Variants in RAB38 observed in about 807,000 individuals in gnomAD.
RAB38 encodes RAB38, member RAS oncogene family.
Under a neutral mutation model 18.4 loss-of-function variants are expected in RAB38, and 15 were observed. The observed-to-expected ratio is 0.82, with a 90% CI of 0.55 to 1.26. The LOEUF (loss-of-function observed/expected upper bound fraction) is 1.26. Among genes scored for constraint, RAB38 ranks in the 50% most tolerant of loss-of-function variants. The probability of loss-of-function intolerance (pLI) is 0.00; values close to 1 mark genes in which losing one functional copy is unlikely to be tolerated. For synonymous variants in RAB38, 101 were observed against 104.4 expected (o/e 0.97, Z 0.20); for missense variants, 294 against 267.4 (o/e 1.10, Z -0.69).
At position 88,175,262 on chromosome 11, in the gene RAB38, T is replaced by TCTGGTACAAA; in HGVS notation, c.122_123insTTTGTACCAG (p.Ile42LeufsTer61). On this transcript the variant is annotated frameshift_variant, in exon 1 of 3. Transcript: ENST00000243662. LOFTEE classifies it high-confidence loss of function. ...CCTTGAGCGCGAAGTCCACGCCGAT[T>TCTGGTACAAA]GTGGCCCGGTAGTGCGAAGAGAAGT... 6.2e-7 allele frequency: 1 copy of TCTGGTACAAA among 1,614,152 alleles called. No individual in the cohort carries two copies. The highest frequency in any genetic ancestry group is 8.5e-7 in the Non-Finnish European group (1 of 1,180,030).
At chr11:87,937,879 T>TTG in the RAB38 span, among the ~76,000 whole-genome samples, 1 of 147,076 alleles carries the variant, frequency 6.8e-6, no homozygotes, top group Non-Finnish European at 1.5e-5. Context: ...TGTTTTTTTT[T>TTG]TTTTTTTTTT....
the RAB38 span, among the ~76,000 whole-genome samples, chr11:87,906,813 C>A: frequency 1.3e-5 from 2 of 151,826 alleles, no homozygotes; most frequent in African/African-American, 4.8e-5. Context: ...ACAATTTTCT[C>A]TAGCTTGCTT....
the RAB38 span, among the ~76,000 whole-genome samples, chr11:88,023,437 C>T: frequency 6.6e-6 from 1 of 151,464 alleles, no homozygotes; most frequent in Non-Finnish European, 1.5e-5. Context: ...TGTTAATGGA[C>T]TGGAAGAATC....
chr11:87,944,699 G>T, the RAB38 span, among the ~76,000 whole-genome samples: 1 of 152,146 alleles, frequency 6.6e-6, no homozygotes, highest in African/African-American at 2.4e-5. Flanking sequence ...ATGAAATGGA[G>T]GGTGGTGGAT....
the RAB38 span, among the ~76,000 whole-genome samples, chr11:88,007,874 T>C: frequency 6.6e-6 from 1 of 152,092 alleles, no homozygotes. Flanking sequence ...AAGTTGTATA[T>C]TATTTAAATA....
chr11:88,005,505 ACAT>A, the RAB38 span, among the ~76,000 whole-genome samples: 9 of 151,452 alleles, frequency 5.9e-5, no homozygotes, highest in African/African-American at 2.2e-4. Flanking sequence ...AATTAAAATT[ACAT>A]CATAATTTGT....
chr11:87,859,990 G>T, the RAB38 span, among the ~76,000 whole-genome samples: 82 of 152,088 alleles, frequency 5.4e-4, no homozygotes, highest in Non-Finnish European at 1.0e-3. Context: ...TGTGTCTGTG[G>T]TATAGAATAC....
chr11:87,835,030 G>A, the RAB38 span, among the ~76,000 whole-genome samples: 1 of 152,196 alleles, frequency 6.6e-6, no homozygotes, highest in African/African-American at 2.4e-5. Flanking sequence ...CTGTGCCATA[G>A]GAGGTAGTAA....
chr11:88,149,651 G>A (rs1943037140), intron 2 of RAB38, 24 bp downstream of exon 2: 6 of 1,589,316 alleles, frequency 3.8e-6, no homozygotes, highest in Non-Finnish European at 5.1e-6. Context: ...CTTATATTAA[G>A]CTTATTATTT....
intron 1 of RAB38, among the ~76,000 whole-genome samples, chr11:88,164,964 C>A (rs1049586393): frequency 6.6e-6 from 1 of 152,040 alleles, no homozygotes; most frequent in African/African-American, 2.4e-5. Flanking sequence ...GTCCCTCAGG[C>A]ACAGTGGTTT....
At chr11:87,819,307 T>C in the RAB38 span, among the ~76,000 whole-genome samples, 2 of 152,328 alleles carry the variant, frequency 1.3e-5, no homozygotes, top group East Asian at 3.9e-4. Context: ...TTGGCTGCAG[T>C]AAATTCTCCA....
chr11:87,949,812 A>T, the RAB38 span, among the ~76,000 whole-genome samples: 8 of 152,278 alleles, frequency 5.3e-5, no homozygotes, highest in Admixed American at 4.6e-4. Flanking sequence ...ACTTCCAACT[A>T]TGTGGTCAGT....
chr11:87,844,565 T>C, the RAB38 span, among the ~76,000 whole-genome samples: 1 of 152,198 alleles, frequency 6.6e-6, no homozygotes, highest in East Asian at 1.9e-4. Context: ...AAGTCTATAC[T>C]ACTAACCACT....
chr11:87,968,441 T>A, the RAB38 span, among the ~76,000 whole-genome samples: 1 of 152,170 alleles, frequency 6.6e-6, no homozygotes, highest in Non-Finnish European at 1.5e-5. Flanking sequence ...AGAGAAGTGA[T>A]CAGAAGTAAT....
the RAB38 span, among the ~76,000 whole-genome samples, chr11:87,880,452 T>C: frequency 6.6e-6 from 1 of 151,802 alleles, no homozygotes. Flanking sequence ...AAGTTACAGC[T>C]TATAGAAGAG....
the RAB38 span, among the ~76,000 whole-genome samples, chr11:88,065,071 G>A: frequency 6.6e-6 from 1 of 151,988 alleles, no homozygotes; most frequent in Non-Finnish European, 1.5e-5. Flanking sequence ...CTTTATATGG[G>A]CAGACCTCTG....
At chr11:87,970,199 T>A in the RAB38 span, among the ~76,000 whole-genome samples, 2 of 152,014 alleles carry the variant, frequency 1.3e-5, no homozygotes, top group Admixed American at 1.3e-4. Flanking sequence ...ATGTCAGTAA[T>A]CTAGAAAATA....
At chr11:87,968,708 T>C in the RAB38 span, among the ~76,000 whole-genome samples, 8 of 152,182 alleles carry the variant, frequency 5.3e-5, no homozygotes, top group African/African-American at 1.9e-4. Context: ...TGCTCAGTTA[T>C]GTTATTGACT....
At chr11:88,093,056 A>G in the RAB38 span, among the ~76,000 whole-genome samples, 1 of 151,868 alleles carries the variant, frequency 6.6e-6, no homozygotes, top group Non-Finnish European at 1.5e-5. Context: ...CCCTTGTTCC[A>G]AGCACAACTA....
Sources: allele counts gnomAD v4.1 joint callset (sites outside exome capture counted in the v4.1 genomes callset), GRCh38; gene constraint gnomAD v4.1.1; transcripts MANE v1.5; gene names NCBI Gene and HGNC (gene_info 2026-07-23, HGNC 2026-07-21).